The following KIR3DL3 variants were observed in gnomAD, a reference collection of about 807,000 sequenced individuals.
KIR3DL3 encodes the protein killer cell immunoglobulin like receptor, three Ig domains and long cytoplasmic tail 3.
Under a neutral mutation model 34.9 loss-of-function variants are expected in KIR3DL3, and 27 were observed. That is an observed-to-expected ratio of 0.77 (90% CI 0.57 to 1.07). The LOEUF is 1.07. Among genes scored for constraint, KIR3DL3 ranks in the 50% least tolerant of loss-of-function variants. The pLI is 0.00. For synonymous variants in KIR3DL3, 217 were observed against 200.2 expected (o/e 1.08, Z -0.71); for missense variants, 681 against 528.5 (o/e 1.29, Z -2.83).
At chr19:54,730,723 T>G (rs1350875621) in intron 5 of KIR3DL3, among the ~76,000 whole-genome samples, 2 of 152,332 alleles carry the variant, frequency 1.3e-5, no homozygotes, top group Admixed American at 1.3e-4. Flanking sequence ...ATACTTGTAA[T>G]GACCTCCAGT....
intron 5 of KIR3DL3, among the ~76,000 whole-genome samples, chr19:54,731,699 C>T (rs1161897350): frequency 2.0e-5 from 3 of 152,160 alleles, no homozygotes; most frequent in South Asian, 2.1e-4. Flanking sequence ...TGCTCCTTAA[C>T]GTTTCCCAGC....
At chr19:54,729,450 C>G in intron 4 of KIR3DL3, 43 bp from the exon 5 acceptor site, 1 of 1,471,724 alleles carries the variant, frequency 6.8e-7, no homozygotes. Flanking sequence ...AGAGCTGTGA[C>G]AAGGAAGAAC....
At position 54,727,920 on chromosome 19, in the gene KIR3DL3, T is replaced by C; in HGVS notation, c.655+10T>C. The C allele has an allele frequency of 3.8e-6, 6 of 1,598,396 alleles. No homozygotes were observed. Among genetic ancestry groups the C allele is most frequent in the Non-Finnish European group, 5.1e-6 (6 of 1,170,498 alleles). ...GACATCGTGGTCGTAGGTGAGAGAATACAGACCTGCCTCTCACCCTTGCTG... is the reference window on the plus strand; with the variant it reads ...GACATCGTGGTCGTAGGTGAGAGAACACAGACCTGCCTCTCACCCTTGCTG... On this transcript the variant is annotated intron_variant, in intron 4 of 7. Coordinates refer to ENST00000291860, the MANE Select transcript of KIR3DL3 (RefSeq NM_153443.5).
chr19:54,729,695 C>T lies in KIR3DL3; in HGVS notation c.858C>T (p.Thr286=). 6.3e-7 allele frequency: 1 copy of T among 1,598,506 alleles called. No homozygotes were observed. The highest frequency in any genetic ancestry group is 8.5e-7 in the Non-Finnish European group (1 of 1,175,670). ...CCAACTTCCCTCTGGGCCCTGTGACCCACGGAGGGAACTACAGATGCTTCG... is the reference window on the plus strand; with the variant it reads ...CCAACTTCCCTCTGGGCCCTGTGACTCACGGAGGGAACTACAGATGCTTCG... ...FQANFPLGPV[T]HGGNYRCFGS... is the part of the protein sequence containing the mutation. The change falls in exon 5 of 8, where the codon ACC becomes ACT. Residue 286 remains threonine (T), a synonymous_variant. Transcript: ENST00000291860.
At position 54,729,621 on chromosome 19, in the gene KIR3DL3, G is replaced by A. The variant is rs1284315564; in HGVS notation, c.784G>A (p.Gly262Ser). 2.1e-5 allele frequency: 34 copies of A among 1,598,316 alleles called. 1 individual carries two copies. In the South Asian group the frequency reaches 2.3e-4, roughly 11 times the overall value. Residue 262 changes from glycine to serine, a missense_variant, in exon 5 of 8, where the codon GGT (glycine) becomes AGT (serine). Gly to Ser is a moderately conservative substitution (Grantham distance 56). Transcript: ENST00000291860. The stretch of plus-strand genomic sequence containing the variant: ...CCATCTATCCAGGGAGGCGGAGGCC[G>A]GTGAACTTAGGCTCACTGCAGTGCT... ...IYHLSREAEA[G>S]ELRLTAVLRV...
intron 5 of KIR3DL3, among the ~76,000 whole-genome samples, chr19:54,730,969 C>T (rs1388807647): frequency 6.6e-6 from 1 of 152,126 alleles, no homozygotes; most frequent in Non-Finnish European, 1.5e-5. Flanking sequence ...GCTAGATCCT[C>T]TGGAAGTGTC....
intron 3 of KIR3DL3, among the ~76,000 whole-genome samples, chr19:54,727,141 C>A (rs973212608): frequency 1.5e-5 from 2 of 135,480 alleles, no homozygotes; most frequent in Non-Finnish European, 3.2e-5. Context: ...GAAGCTGGGG[C>A]CATGGAGAAG....
At chr19:54,726,995 C>T (rs1251649492) in intron 3 of KIR3DL3, among the ~76,000 whole-genome samples, 1 of 118,864 alleles carries the variant, frequency 8.4e-6, no homozygotes, top group Admixed American at 1.0e-4. Context: ...AGGTGAAGCA[C>T]AGGTTAAGAA....
At chr19:54,734,874 C>CT (rs375579673) in intron 5 of KIR3DL3, among the ~76,000 whole-genome samples, 26,113 of 110,356 alleles carry the variant, frequency 0.24, 3,946 homozygotes, top group Middle Eastern at 0.34. Flanking sequence ...CTTCCAAGCT[C>CT]TTTTAACAAC....
rs1424555418 is a variant in KIR3DL3 at position 54,729,537 on chromosome 19, G to T, written c.700G>T (p.Val234Phe). Reference sequence around the variant, plus strand: ...TCTCTCAGCCCAGCCGGGCCCCACGGTTCAGGCAGGAGAGAATGTGACCTT... The same window carrying T: ...TCTCTCAGCCCAGCCGGGCCCCACGTTTCAGGCAGGAGAGAATGTGACCTT... ...PSLSAQPGPTVQAGENVTLSC... is the reference protein window; with the variant it reads ...PSLSAQPGPTFQAGENVTLSC... The change falls in exon 5 of 8, where the codon GTT becomes TTT. Residue 234 changes from valine to phenylalanine, a missense_variant. Val to Phe is a conservative substitution (Grantham distance 50). Transcript: ENST00000291860. 6.2e-6 allele frequency: 10 copies of T among 1,606,740 alleles called. No homozygotes were observed. Among genetic ancestry groups the T allele is most frequent in the Admixed American group, 1.7e-5 (1 of 59,012 alleles).
chr19:54,736,174 T>A lies in KIR3DL3; in HGVS notation c.*78T>A. The A allele has an allele frequency of 1.9e-6, 3 of 1,579,788 alleles. No homozygotes were observed. Among genetic ancestry groups the A allele is most frequent in the East Asian group, 2.2e-5 (1 of 44,726 alleles). Reference sequence around the variant, plus strand: ...GCACCACAGTCAGGCCTTGATGGGATCTTCTAGGGAGACAATAGCCCTGTC... The same window carrying A: ...GCACCACAGTCAGGCCTTGATGGGAACTTCTAGGGAGACAATAGCCCTGTC... On this transcript the variant is annotated 3_prime_UTR_variant, in exon 8 of 8. Coordinates refer to ENST00000291860, the MANE Select transcript of KIR3DL3 (RefSeq NM_153443.5).
chr19:54,732,675 A>G (rs1167530149), intron 5 of KIR3DL3, among the ~76,000 whole-genome samples: 2 of 152,342 alleles, frequency 1.3e-5, no homozygotes, highest in East Asian at 3.9e-4. Flanking sequence ...CCCTTGGAAG[A>G]TTGGCGGAAG....
At position 54,725,145 on chromosome 19, in the gene KIR3DL3, AGTGGAGATATGGGCCTAGAG is replaced by A. The variant is rs74177871; in HGVS notation, c.35-85_35-66del. 1.7e-4 allele frequency: 39 copies of A among 235,824 alleles called. 13 individuals are homozygous for A. In the African/African-American group the frequency reaches 3.1e-3, roughly 18 times the overall value. The allele number at this position is 235,824 out of a possible 1,614,324, so 14.6% of individuals were successfully genotyped here. A position where few individuals can be genotyped will look rare whatever the true frequency, so the allele number is the denominator to read the frequency against. On this transcript the variant is annotated intron_variant, in intron 1 of 7. Transcript: ENST00000291860. ...GACGGAGGTGGAGATATAGGCCTGG[AGTGGAGATATGGGCCTAGAG>A]GTGGAGATATGGGCCTGGAGTGGAG...
At chr19:54,729,320 G>A (rs1490927000) in intron 4 of KIR3DL3, among the ~76,000 whole-genome samples, 173 bp from the exon 5 acceptor site, 1 of 152,046 alleles carries the variant, frequency 6.6e-6, no homozygotes, top group South Asian at 2.1e-4. Flanking sequence ...GAGACCTAGA[G>A]AGACAGAGAA....
chr19:54,727,297 G>T (rs2068287988), intron 3 of KIR3DL3, among the ~76,000 whole-genome samples: 1 of 123,236 alleles, frequency 8.1e-6, no homozygotes, highest in Non-Finnish European at 1.7e-5. Context: ...TGGACATGCA[G>T]CCTGTCATGG....
intron 4 of KIR3DL3, 75 bp from the exon 5 acceptor site, chr19:54,729,418 A>T: frequency 7.6e-7 from 1 of 1,322,456 alleles, no homozygotes; most frequent in Non-Finnish European, 1.0e-6. Context: ...CAGGGGAGTG[A>T]GTTCTCAGCT....
chr19:54,726,601 G>C (rs1379105350), intron 3 of KIR3DL3, among the ~76,000 whole-genome samples: 4 of 145,420 alleles, frequency 2.8e-5, no homozygotes, highest in Non-Finnish European at 4.6e-5. Context: ...TTGATGAGTT[G>C]ACCTTGCGAT....
In KIR3DL3 at chr19:54,736,525, A is replaced by ACCTTTCCTCATGTTGTTCCT; in HGVS notation, c.*439_*440insTGTTGTTCCTCCTTTCCTCA. 5.3e-6 allele frequency: 1 copy of ACCTTTCCTCATGTTGTTCCT among 190,466 alleles called. No homozygotes were observed. The highest frequency in any genetic ancestry group is 1.0e-5 in the Non-Finnish European group (1 of 97,580). The allele number at this position is 190,466 out of a possible 1,614,324, so 11.8% of individuals were successfully genotyped here. On this transcript the variant is annotated 3_prime_UTR_variant, in exon 8 of 8. Coordinates refer to ENST00000291860, the MANE Select transcript of KIR3DL3 (RefSeq NM_153443.5). ...ACGGCACTTAGATACGTGCTATTCCACCTTTCCTCAGAGTATCTTTCAGCC... is the reference window on the plus strand; with the variant it reads ...ACGGCACTTAGATACGTGCTATTCCACCTTTCCTCATGTTGTTCCTCCTTTCCTCAGAGTATCTTTCAGCC...
intron 3 of KIR3DL3, among the ~76,000 whole-genome samples, 175 bp from the exon 4 acceptor site, chr19:54,727,436 G>A (rs2068308312): frequency 7.3e-6 from 1 of 136,968 alleles, no homozygotes; most frequent in Non-Finnish European, 1.6e-5. Context: ...ACAGGGAAGA[G>A]GGAGGGAGAC....
Sources: allele counts gnomAD v4.1 joint callset (sites outside exome capture counted in the v4.1 genomes callset), GRCh38; gene constraint gnomAD v4.1.1; transcripts MANE v1.5; gene names NCBI Gene and HGNC (gene_info 2026-07-23, HGNC 2026-07-21).